ZC3H12B: variants seen among roughly 807,000 people sequenced by gnomAD.
The protein encoded by ZC3H12B is zinc finger CCCH-type containing 12B, also known as probable ribonuclease ZC3H12B.
Under a neutral mutation model 43.9 loss-of-function variants are expected in ZC3H12B, and 7 were observed. The observed-to-expected ratio is 0.16, with a 90% CI of 0.09 to 0.30. The LOEUF is 0.30. ZC3H12B is among the 10% of genes least tolerant of loss of function. The probability of loss-of-function intolerance (pLI) is 1.00; values close to 1 mark genes in which losing one functional copy is unlikely to be tolerated. For synonymous variants in ZC3H12B, 222 were observed against 241.7 expected (o/e 0.92, Z 0.76); for missense variants, 475 against 670.2 (o/e 0.71, Z 3.22).
At chrX:65,114,588 C>T in the ZC3H12B span, among the ~76,000 whole-genome samples, 2 of 110,424 alleles carry the variant, frequency 1.8e-5, no homozygotes, top group South Asian at 7.5e-4. Context: ...AGTCACATCC[C>T]GTTTCATTCT....
At chrX:65,251,438 T>C in the ZC3H12B span, among the ~76,000 whole-genome samples, 2 of 111,670 alleles carry the variant, frequency 1.8e-5, no homozygotes, top group African/African-American at 6.5e-5. Context: ...CTTGGTTCCA[T>C]ATGAACTTTA....
the ZC3H12B span, among the ~76,000 whole-genome samples, chrX:65,286,083 C>T: frequency 1.8e-5 from 2 of 111,551 alleles, no homozygotes; most frequent in African/African-American, 6.5e-5. Flanking sequence ...AAGAAAAATA[C>T]ATTATTCTAC....
chrX:65,406,370 T>C (rs763564851), intron 3 of ZC3H12B, among the ~76,000 whole-genome samples: 140 of 342 alleles, frequency 0.41, 2 homozygotes, highest in Middle Eastern at 0.5. Context: ...CGATACATCA[T>C]AGCAACAGGA....
At chrX:65,471,740 C>T (rs1569420151) in intron 3 of ZC3H12B, among the ~76,000 whole-genome samples, 2 of 110,805 alleles carry the variant, frequency 1.8e-5, no homozygotes, top group Admixed American at 9.7e-5. Context: ...GATAAGCCAC[C>T]GCACCCAGCT....
At chrX:65,362,962 C>T (rs774344457), upstream of ZC3H12B, among the ~76,000 whole-genome samples, 122 of 110,808 alleles carry the variant, frequency 1.1e-3, no homozygotes, top group African/African-American at 3.7e-3. Context: ...CATTCTTGAT[C>T]TCAAACATGC....
the ZC3H12B span, among the ~76,000 whole-genome samples, chrX:65,309,531 G>T: frequency 2.9e-4 from 32 of 111,578 alleles, no homozygotes; most frequent in Non-Finnish European, 2.6e-4. Context: ...AAAATTCCAG[G>T]ACCAGATGGA....
the ZC3H12B span, among the ~76,000 whole-genome samples, chrX:65,301,506 GA>G: frequency 9.1e-6 from 1 of 109,554 alleles, no homozygotes; most frequent in Non-Finnish European, 1.9e-5. Context: ...ACACACTGTG[GA>G]ATACTATTCA....
the ZC3H12B span, among the ~76,000 whole-genome samples, chrX:65,122,207 T>A: frequency 1.8e-5 from 2 of 110,636 alleles, no homozygotes; most frequent in African/African-American, 6.6e-5. Context: ...GTCTACAAGC[T>A]AGAAGAGAGT....
the ZC3H12B span, among the ~76,000 whole-genome samples, chrX:65,049,709 G>A: frequency 9.0e-6 from 1 of 111,306 alleles, no homozygotes; most frequent in Non-Finnish European, 1.9e-5. Flanking sequence ...TGTAAAAAAT[G>A]CCATTGGGAT....
At chrX:65,225,728 G>A in the ZC3H12B span, among the ~76,000 whole-genome samples, 10 of 112,394 alleles carry the variant, frequency 8.9e-5, no homozygotes, top group South Asian at 3.0e-3. Flanking sequence ...CATGAAGAAT[G>A]CAGAAGCCTC....
At chrX:65,120,228 T>G in the ZC3H12B span, among the ~76,000 whole-genome samples, 11 of 112,249 alleles carry the variant, frequency 9.8e-5, no homozygotes, top group Admixed American at 2.8e-4. Context: ...ATCTATAAAT[T>G]ACCTTGGGCA....
chrX:65,183,052 C>A, the ZC3H12B span, among the ~76,000 whole-genome samples: 1 of 111,379 alleles, frequency 9.0e-6, no homozygotes, highest in Non-Finnish European at 1.9e-5. Flanking sequence ...TGCCATTTGC[C>A]CCAGAGATTC....
At chrX:65,475,048 T>C (rs1265648540) in intron 3 of ZC3H12B, among the ~76,000 whole-genome samples, 1 of 112,498 alleles carries the variant, frequency 8.9e-6, no homozygotes, top group East Asian at 2.8e-4. Flanking sequence ...TCTTTGATTT[T>C]CAGTGGATAA....
the ZC3H12B span, among the ~76,000 whole-genome samples, chrX:65,116,430 A>G: frequency 5.4e-5 from 6 of 111,252 alleles, no homozygotes; most frequent in Non-Finnish European, 3.8e-5. Flanking sequence ...TACCAATACC[A>G]TGTTGTTTTG....
chrX:65,107,196 G>T, the ZC3H12B span, among the ~76,000 whole-genome samples: 1 of 111,795 alleles, frequency 8.9e-6, no homozygotes, highest in Non-Finnish European at 1.9e-5. Flanking sequence ...TAGCTCTTGA[G>T]AGTGGAGTGC....
At chrX:65,242,304 C>A in the ZC3H12B span, among the ~76,000 whole-genome samples, 2 of 111,835 alleles carry the variant, frequency 1.8e-5, no homozygotes, top group Non-Finnish European at 3.8e-5. Context: ...TCTAATTTGC[C>A]ATTTTGGCTT....
the ZC3H12B span, among the ~76,000 whole-genome samples, chrX:65,329,259 C>T: frequency 1.8e-5 from 2 of 111,295 alleles, no homozygotes; most frequent in Non-Finnish European, 3.8e-5. Flanking sequence ...TGTGAAATGG[C>T]ATCTCATTGT....
chrX:65,455,336 G>A (rs2067591929), intron 3 of ZC3H12B, among the ~76,000 whole-genome samples: 1 of 112,455 alleles, frequency 8.9e-6, no homozygotes, highest in Non-Finnish European at 1.9e-5. Context: ...AAATGCATAA[G>A]CCTCAGTAGC....
At chrX:65,390,853 A>G (rs761222775) in intron 2 of ZC3H12B, among the ~76,000 whole-genome samples, 3 of 112,278 alleles carry the variant, frequency 2.7e-5, no homozygotes, top group Admixed American at 9.5e-5. Context: ...GTATTCAACA[A>G]AATAGAAATA....
Sources: gnomAD v4.1 joint callset for allele counts (sites outside exome capture counted in the v4.1 genomes callset) on GRCh38, gnomAD v4.1.1 for gene constraint, MANE v1.5 for transcripts, NCBI Gene and HGNC (gene_info 2026-07-23, HGNC 2026-07-21) for gene names.